ITPK1: variants seen among roughly 807,000 people sequenced by gnomAD.
The protein encoded by ITPK1 is inositol-tetrakisphosphate 1-kinase.
A neutral mutation model predicts 45.3 loss-of-function variants in ITPK1; 21 were observed. The observed-to-expected ratio is 0.46, with a 90% CI of 0.33 to 0.67. The LOEUF is 0.67. Ranked by LOEUF, ITPK1 falls within the 30% of genes least tolerant of loss-of-function variation. ITPK1 has a pLI of 0.02. For missense variants in ITPK1, 474 were observed against 573.5 expected (o/e 0.83, Z 1.77); for synonymous variants, 258 against 253.6 (o/e 1.02, Z -0.16).
chr14:93,082,866 G>A (rs764048088), intron 2 of ITPK1, among the ~76,000 whole-genome samples: 22 of 152,194 alleles, frequency 1.4e-4, no homozygotes, highest in Non-Finnish European at 2.5e-4. Context: ...AGGAGAAAGG[G>A]CCAAGAGGGC....
intron 3 of ITPK1, among the ~76,000 whole-genome samples, chr14:93,065,233 TAC>T (rs1890697827): frequency 6.6e-6 from 1 of 152,202 alleles, no homozygotes; most frequent in Non-Finnish European, 1.5e-5. Context: ...TAACTTATGC[TAC>T]AGACATTTCT....
At chr14:93,028,423 C>A (rs544757487) in intron 3 of ITPK1, among the ~76,000 whole-genome samples, 2 of 152,348 alleles carry the variant, frequency 1.3e-5, no homozygotes, top group South Asian at 4.1e-4. Flanking sequence ...GACAATCTCT[C>A]CCCAGGCACT....
chr14:93,065,196 C>G (rs1250085659), intron 3 of ITPK1, among the ~76,000 whole-genome samples: 11 of 152,222 alleles, frequency 7.2e-5, no homozygotes, highest in Admixed American at 7.2e-4. Context: ...CCCTGGTCAG[C>G]CCTGCTTTAG....
Position 92,940,250 on chromosome 14 carries a change from ACTG to A in ITPK1, c.*1308_*1310del. 1.0e-5 allele frequency: 10 copies of A among 986,496 alleles called. No homozygotes were observed. Among genetic ancestry groups the A allele is most frequent in the Non-Finnish European group, 1.2e-5 (10 of 830,680 alleles). The allele number at this position is 986,496 out of a possible 1,614,324, so 61.1% of individuals were successfully genotyped here. A position where few individuals can be genotyped will look rare whatever the true frequency, so the allele number is the denominator to read the frequency against. ...AGCCTTTTTCACTTTTTCAAAGTAA[ACTG>A]CTATCTTAAGACACAAAAACATACT... On this transcript the variant is annotated 3_prime_UTR_variant, in exon 11 of 11. Transcript: ENST00000267615.
chr14:93,018,692 G>A (rs1888315236), intron 3 of ITPK1, among the ~76,000 whole-genome samples: 1 of 152,168 alleles, frequency 6.6e-6, no homozygotes. Flanking sequence ...TGAGGAAGGG[G>A]AAGGGAAAGA....
At chr14:93,003,890 T>C (rs1438908710) in intron 4 of ITPK1, among the ~76,000 whole-genome samples, 2 of 152,224 alleles carry the variant, frequency 1.3e-5, no homozygotes, top group African/African-American at 4.8e-5. Flanking sequence ...TGAAAGTCAC[T>C]TAAGTTATCT....
At chr14:93,066,306 A>ATGTG (rs530096242) in intron 3 of ITPK1, 302 of 435,608 alleles carry the variant, frequency 6.9e-4, no homozygotes, top group Non-Finnish European at 9.0e-4. Flanking sequence ...GTGCGCGTGC[A>ATGTG]TGTGTGTGTG....
intron 8 of ITPK1, 55 bp from the exon 9 acceptor site, chr14:92,952,068 T>C (rs1448553286): frequency 7.3e-7 from 1 of 1,376,706 alleles, no homozygotes; most frequent in Non-Finnish European, 1.0e-6. Context: ...GGGACCACAC[T>C]GCCGCCACCT....
At chr14:92,948,636 T>G (rs1887795312) in intron 9 of ITPK1, among the ~76,000 whole-genome samples, 1 of 149,308 alleles carries the variant, frequency 6.7e-6, no homozygotes, top group Non-Finnish European at 1.5e-5. Flanking sequence ...CTGTGCCAGG[T>G]GCACCTGAAT....
chr14:93,018,559 A>T (rs1888307532), intron 3 of ITPK1, among the ~76,000 whole-genome samples: 1 of 152,118 alleles, frequency 6.6e-6, no homozygotes, highest in Non-Finnish European at 1.5e-5. Context: ...TTTAGACCTC[A>T]CAATAAGAAA....
intron 3 of ITPK1, among the ~76,000 whole-genome samples, chr14:93,058,339 C>T (rs1384850538): frequency 1.4e-5 from 2 of 145,232 alleles, no homozygotes; most frequent in African/African-American, 2.6e-5. Flanking sequence ...CCACGGGACA[C>T]ATTGCTGCTC....
At chr14:93,004,244 C>A (rs2139829826) in intron 4 of ITPK1, among the ~76,000 whole-genome samples, 1 of 152,364 alleles carries the variant, frequency 6.6e-6, no homozygotes, top group African/African-American at 2.4e-5. Context: ...GCGACAGGCA[C>A]CGACCACCAG....
chr14:92,968,522 A>G (rs1679774808), intron 5 of ITPK1, among the ~76,000 whole-genome samples: 1 of 151,894 alleles, frequency 6.6e-6, no homozygotes, highest in South Asian at 2.1e-4. Flanking sequence ...CCTCATCCCC[A>G]CTGGGTCTGA....
chr14:92,953,450 A>T (rs1251977323), intron 8 of ITPK1, among the ~76,000 whole-genome samples: 2 of 152,234 alleles, frequency 1.3e-5, no homozygotes, highest in Non-Finnish European at 2.9e-5. Context: ...ACAGCCAAGA[A>T]GAGGGAGTCT....
In ITPK1 at chr14:93,011,575, G is replaced by A. The variant is rs560892719; in HGVS notation, c.246+5101C>T. ...TTTAGATGATTACACACTGAGAGGA[G>A]CCAGGAGGTGAGTGCAACTTTGTCC... On this transcript the variant is annotated intron_variant, in intron 4 of 10. Transcript: ENST00000267615. Among the ~76,000 whole-genome samples the A allele has an allele frequency of 3.8e-4, 58 of 152,336 alleles. 1 individual carries two copies. The highest frequency in any genetic ancestry group is 1.3e-3 in the African/African-American group (55 of 41,570).
chr14:93,085,109 A>T (rs1051744700), intron 2 of ITPK1, among the ~76,000 whole-genome samples: 1 of 152,230 alleles, frequency 6.6e-6, no homozygotes. Context: ...GCCCTGCGGC[A>T]TCTTGGTTTA....
At chr14:93,017,170 C>T (rs1888223298) in intron 3 of ITPK1, among the ~76,000 whole-genome samples, 1 of 152,216 alleles carries the variant, frequency 6.6e-6, no homozygotes, top group Non-Finnish European at 1.5e-5. Flanking sequence ...CTTTTCTCAA[C>T]ACACCCCATC....
chr14:92,963,912 G>A (rs1223620064), intron 5 of ITPK1, among the ~76,000 whole-genome samples: 1 of 152,160 alleles, frequency 6.6e-6, no homozygotes, highest in African/African-American at 2.4e-5. Context: ...TGTGAGCGGG[G>A]CGGGGGCGGT....
chr14:93,006,293 CCAA>C (rs1312828898), intron 4 of ITPK1, among the ~76,000 whole-genome samples: 3 of 152,174 alleles, frequency 2.0e-5, no homozygotes, highest in African/African-American at 7.2e-5. Context: ...GGAGCAGACG[CCAA>C]CAACAACCCA....
Sources: gnomAD v4.1 joint callset for allele counts (sites outside exome capture counted in the v4.1 genomes callset) on GRCh38, gnomAD v4.1.1 for gene constraint, MANE v1.5 for transcripts, NCBI Gene and HGNC (gene_info 2026-07-23, HGNC 2026-07-21) for gene names.